CACNA2D1: variants seen among roughly 807,000 people sequenced by gnomAD.
CACNA2D1 encodes voltage-dependent calcium channel subunit alpha-2/delta-1.
Under a neutral mutation model 171.5 loss-of-function variants are expected in CACNA2D1, and 53 were observed. That is an observed-to-expected ratio of 0.31 (90% confidence interval 0.25 to 0.39). The LOEUF (loss-of-function observed/expected upper bound fraction) is 0.39, where lower values mean the gene tolerates loss of function less well. Among genes scored for constraint, CACNA2D1 ranks in the 10% least tolerant of loss-of-function variants. The pLI is 1.00. For synonymous variants in CACNA2D1, 442 were observed against 443.1 expected (o/e 1.00, Z 0.03); for missense variants, 903 against 1,299.8 (o/e 0.69, Z 4.69).
At chr7:82,209,421 A>G (rs1800333740) in intron 3 of CACNA2D1, among the ~76,000 whole-genome samples, 1 of 152,158 alleles carries the variant, frequency 6.6e-6, no homozygotes, top group South Asian at 2.1e-4. Flanking sequence ...CAATTTAGAG[A>G]GTGAAAAGAG....
chr7:82,191,626 T>C (rs1019579250), intron 3 of CACNA2D1, among the ~76,000 whole-genome samples: 2 of 151,798 alleles, frequency 1.3e-5, no homozygotes, highest in African/African-American at 4.8e-5. Flanking sequence ...AAATGTTTTA[T>C]ATATTTTTAA....
intron 2 of CACNA2D1, among the ~76,000 whole-genome samples, chr7:82,347,552 C>T (rs528980166): frequency 6.6e-6 from 1 of 152,162 alleles, no homozygotes; most frequent in South Asian, 2.1e-4. Context: ...ATCCAACACC[C>T]CCAATCTCAG....
intron 3 of CACNA2D1, among the ~76,000 whole-genome samples, chr7:82,280,572 A>C (rs1809962595): frequency 6.6e-6 from 1 of 152,166 alleles, no homozygotes; most frequent in South Asian, 2.1e-4. Context: ...ACATTTTTTA[A>C]ATTTAGAAAC....
chr7:82,088,700 A>T (rs2129015907), intron 6 of CACNA2D1, among the ~76,000 whole-genome samples: 1 of 152,266 alleles, frequency 6.6e-6, no homozygotes, highest in Admixed American at 6.5e-5. Context: ...TTGGCAAGAT[A>T]TATTTAATAA....
chr7:82,165,985 G>A (rs1049591871), intron 4 of CACNA2D1, among the ~76,000 whole-genome samples: 1 of 151,442 alleles, frequency 6.6e-6, no homozygotes, highest in Non-Finnish European at 1.5e-5. Flanking sequence ...CTCATACCAA[G>A]TGACTGTCTG....
At chr7:82,069,203 G>A (rs887917388) in intron 7 of CACNA2D1, among the ~76,000 whole-genome samples, 9 of 152,112 alleles carry the variant, frequency 5.9e-5, no homozygotes, top group Admixed American at 1.3e-4. Context: ...AGATCAAAGA[G>A]TAAAAAGGCT....
At chr7:82,387,142 A>C (rs1192412595) in intron 1 of CACNA2D1, among the ~76,000 whole-genome samples, 2 of 152,184 alleles carry the variant, frequency 1.3e-5, no homozygotes, top group Non-Finnish European at 2.9e-5. Flanking sequence ...TAAATCATTA[A>C]ATGCCCTCAC....
intron 2 of CACNA2D1, among the ~76,000 whole-genome samples, chr7:82,337,108 A>G (rs1818091860): frequency 6.6e-6 from 1 of 152,178 alleles, no homozygotes; most frequent in South Asian, 2.1e-4. Context: ...ATATAAATTT[A>G]TATTCTCTCA....
intron 12 of CACNA2D1, among the ~76,000 whole-genome samples, chr7:82,016,706 G>A (rs1026767033): frequency 6.7e-6 from 1 of 149,192 alleles, no homozygotes; most frequent in Admixed American, 6.9e-5. Context: ...ACCCCTCAGA[G>A]GTTGTCAAAA....
intron 3 of CACNA2D1, among the ~76,000 whole-genome samples, chr7:82,309,247 A>T (rs1221037350): frequency 6.6e-6 from 1 of 152,092 alleles, no homozygotes; most frequent in Non-Finnish European, 1.5e-5. Context: ...CTCTACTAAA[A>T]ATATAAAAAT....
intron 3 of CACNA2D1, among the ~76,000 whole-genome samples, chr7:82,242,152 A>T (rs1804382075): frequency 6.6e-6 from 1 of 152,202 alleles, no homozygotes; most frequent in Non-Finnish European, 1.5e-5. Flanking sequence ...ATTAGTTGAC[A>T]TTATGTAAAT....
chr7:82,117,538 C>A (rs1325698043), intron 5 of CACNA2D1, among the ~76,000 whole-genome samples: 2 of 152,122 alleles, frequency 1.3e-5, no homozygotes, highest in Non-Finnish European at 2.9e-5. Context: ...GTAATCCCAG[C>A]ACTTTGGGAG....
chr7:82,026,719 T>G (rs1441426698), intron 12 of CACNA2D1, among the ~76,000 whole-genome samples: 2 of 151,706 alleles, frequency 1.3e-5, no homozygotes, highest in African/African-American at 4.8e-5. Flanking sequence ...TTAGAACATG[T>G]TCCTCAATTC....
At chr7:82,125,314 G>A (rs533384489) in intron 5 of CACNA2D1, among the ~76,000 whole-genome samples, 2 of 152,160 alleles carry the variant, frequency 1.3e-5, no homozygotes, top group Non-Finnish European at 2.9e-5. Context: ...ATAAGGCTTT[G>A]TAATGATCTG....
chr7:82,074,309 CT>C (rs1186331520), intron 7 of CACNA2D1, among the ~76,000 whole-genome samples: 1 of 152,104 alleles, frequency 6.6e-6, no homozygotes, highest in Non-Finnish European at 1.5e-5. Flanking sequence ...TCACTGCAAC[CT>C]TTTCTTCCCA....
At chr7:82,081,833 G>A (rs1030345564) in intron 7 of CACNA2D1, among the ~76,000 whole-genome samples, 1 of 152,194 alleles carries the variant, frequency 6.6e-6, no homozygotes, top group African/African-American at 2.4e-5. Context: ...CACTGTGACT[G>A]TGCACCCAGC....
chr7:82,055,216 T>C (rs569379481), intron 10 of CACNA2D1, among the ~76,000 whole-genome samples: 10 of 152,260 alleles, frequency 6.6e-5, no homozygotes, highest in Admixed American at 2.0e-4. Flanking sequence ...CTTCAGAATA[T>C]AAAATTCTGG....
chr7:82,207,812 T>A (rs1252180572), intron 3 of CACNA2D1, among the ~76,000 whole-genome samples: 3 of 152,198 alleles, frequency 2.0e-5, no homozygotes, highest in African/African-American at 7.2e-5. Context: ...TTCTATAGAT[T>A]TAGGAAATTA....
intron 5 of CACNA2D1, among the ~76,000 whole-genome samples, chr7:82,120,019 C>CA (rs964762022): frequency 6.6e-6 from 1 of 152,084 alleles, no homozygotes; most frequent in Non-Finnish European, 1.5e-5. Flanking sequence ...CTCATCTCTA[C>CA]AAAAAATTTA....
Sources: gnomAD v4.1 joint callset for allele counts (sites outside exome capture counted in the v4.1 genomes callset) on GRCh38, gnomAD v4.1.1 for gene constraint, MANE v1.5 for transcripts, NCBI Gene and HGNC (gene_info 2026-07-23, HGNC 2026-07-21) for gene names.